The following SGMS1 variants were observed in gnomAD, a reference collection of about 807,000 sequenced individuals.
SGMS1 encodes sphingomyelin synthase 1, also known as phosphatidylcholine:ceramide cholinephosphotransferase 1.
In SGMS1, 13 loss-of-function variants were observed where a neutral mutation model predicts 46.2. The observed-to-expected ratio is 0.28, with a 90% CI of 0.18 to 0.45. SGMS1 has a LOEUF of 0.45. Among genes scored for constraint, SGMS1 ranks in the 20% least tolerant of loss-of-function variants. The pLI, the probability that SGMS1 is intolerant of heterozygous loss-of-function variation, is 1.00. For missense variants in SGMS1, 324 were observed against 519.9 expected (o/e 0.62, Z 3.66); for synonymous variants, 203 against 187.8 (o/e 1.08, Z -0.66).
At chr10:50,413,744 C>T (rs1194302968) in intron 6 of SGMS1, among the ~76,000 whole-genome samples, 2 of 152,292 alleles carry the variant, frequency 1.3e-5, no homozygotes, top group East Asian at 3.9e-4. Flanking sequence ...AAGCTAATCA[C>T]CCAAGATCAT....
intron 6 of SGMS1, among the ~76,000 whole-genome samples, chr10:50,369,223 T>G (rs1452410905): frequency 6.6e-6 from 1 of 152,222 alleles, no homozygotes; most frequent in African/African-American, 2.4e-5. Flanking sequence ...ACAGGTCAGG[T>G]GCAGTGGCTC....
chr10:50,449,178 G>C (rs1311614380), intron 5 of SGMS1, among the ~76,000 whole-genome samples: 1 of 152,170 alleles, frequency 6.6e-6, no homozygotes, highest in Non-Finnish European at 1.5e-5. Context: ...TGGAAAACCA[G>C]GTAATAATTT....
intron 2 of SGMS1, among the ~76,000 whole-genome samples, chr10:50,557,225 T>C (rs551310465): frequency 6.6e-6 from 1 of 152,340 alleles, no homozygotes; most frequent in South Asian, 2.1e-4. Flanking sequence ...GTATCACTTA[T>C]TTATTAAATA....
chr10:50,472,817 C>T (rs906783454), intron 3 of SGMS1: 7 of 152,120 alleles, frequency 4.6e-5, no homozygotes, highest in African/African-American at 1.7e-4. Context: ...TCCCTTTTCT[C>T]CACACTAGTC....
At chr10:50,493,038 C>T (rs1301158032) in intron 3 of SGMS1, among the ~76,000 whole-genome samples, 1 of 152,010 alleles carries the variant, frequency 6.6e-6, no homozygotes, top group Non-Finnish European at 1.5e-5. Context: ...TCGGGTATTA[C>T]CCCAGACAAC....
chr10:50,557,361 T>C (rs145782301), intron 2 of SGMS1, among the ~76,000 whole-genome samples: 2 of 152,316 alleles, frequency 1.3e-5, no homozygotes, highest in Admixed American at 1.3e-4. Context: ...GAAGCATCAT[T>C]ATTAGTCATT....
At chr10:50,422,627 G>C (rs956930706) in intron 6 of SGMS1, among the ~76,000 whole-genome samples, 2 of 152,144 alleles carry the variant, frequency 1.3e-5, no homozygotes, top group African/African-American at 4.8e-5. Flanking sequence ...TGATAATCTT[G>C]CCAAAGTACC....
intron 6 of SGMS1, among the ~76,000 whole-genome samples, chr10:50,347,876 T>C (rs1043976993): frequency 5.9e-5 from 9 of 152,216 alleles, no homozygotes; most frequent in Admixed American, 4.6e-4. Context: ...TTATTTGTTA[T>C]TTTACTTTAA....
At chr10:50,408,376 A>T (rs1849047211) in intron 6 of SGMS1, among the ~76,000 whole-genome samples, 1 of 150,154 alleles carries the variant, frequency 6.7e-6, no homozygotes, top group East Asian at 1.9e-4. Flanking sequence ...GCAAAGGTAG[A>T]AGGAATGATT....
At chr10:50,571,634 G>A (rs1257550957) in intron 2 of SGMS1, among the ~76,000 whole-genome samples, 1 of 151,960 alleles carries the variant, frequency 6.6e-6, no homozygotes, top group Admixed American at 6.6e-5. Flanking sequence ...TATGTGTCAG[G>A]CATGTACTAA....
At chr10:50,400,003 T>C (rs1032954212) in intron 6 of SGMS1, among the ~76,000 whole-genome samples, 2 of 142,078 alleles carry the variant, frequency 1.4e-5, no homozygotes, top group Non-Finnish European at 3.0e-5. Flanking sequence ...CACTCCAGCC[T>C]GGGCGACACA....
At chr10:50,324,292 G>A (rs948224519) in intron 8 of SGMS1, among the ~76,000 whole-genome samples, 1 of 152,142 alleles carries the variant, frequency 6.6e-6, no homozygotes, top group African/African-American at 2.4e-5. Context: ...TAACTTTAGT[G>A]TTCTTTTTAC....
At chr10:50,430,086 G>A (rs962503308) in intron 6 of SGMS1, among the ~76,000 whole-genome samples, 7 of 151,992 alleles carry the variant, frequency 4.6e-5, no homozygotes, top group African/African-American at 1.7e-4. Flanking sequence ...TCTCTGTTCA[G>A]ACTGTTCCTT....
At chr10:50,413,536 C>T (rs1849129304) in intron 6 of SGMS1, among the ~76,000 whole-genome samples, 1 of 152,202 alleles carries the variant, frequency 6.6e-6, no homozygotes. Flanking sequence ...ACACTACTGA[C>T]ATTTTGGACA....
chr10:50,460,602 T>C (rs1837251999), intron 5 of SGMS1, 71 bp downstream of exon 5: 1 of 152,234 alleles, frequency 6.6e-6, no homozygotes, highest in Non-Finnish European at 1.5e-5. Context: ...TCCCAGAGAA[T>C]GACTCCACTT....
chr10:50,524,812 C>T (rs1462170880), intron 2 of SGMS1, among the ~76,000 whole-genome samples: 1 of 152,108 alleles, frequency 6.6e-6, no homozygotes, highest in Non-Finnish European at 1.5e-5. Context: ...TAGGTACTTC[C>T]AGGCAAAAGG....
chr10:50,353,027 C>T (rs1848049961), intron 6 of SGMS1, among the ~76,000 whole-genome samples: 1 of 152,186 alleles, frequency 6.6e-6, no homozygotes, highest in Admixed American at 6.5e-5. Context: ...GAGCTGGTAC[C>T]ATTCCTTCTG....
Position 50,590,928 on chromosome 10 carries a change from T to C in SGMS1, c.-683-681A>G, listed in dbSNP as rs376896856. Among the ~76,000 whole-genome samples, 5 of 152,214 alleles carry C rather than the reference T, an allele frequency of 3.3e-5. No individual in the cohort carries two copies. In the East Asian group the frequency reaches 7.7e-4, roughly 23 times the overall value. ...AAACTGGAGCTTCAATGACTTGAGATTTACTCTGACCTTGGATTTCTGAGA... is the reference window on the plus strand; with the variant it reads ...AAACTGGAGCTTCAATGACTTGAGACTTACTCTGACCTTGGATTTCTGAGA... On this transcript the variant is annotated intron_variant, in intron 1 of 10. Transcript: ENST00000361781.
intron 3 of SGMS1, among the ~76,000 whole-genome samples, chr10:50,516,368 A>G (rs576714288): frequency 3.3e-5 from 5 of 152,326 alleles, no homozygotes; most frequent in Admixed American, 6.5e-5. Context: ...AATTTTCTGC[A>G]TTCCATGTGA....
Sources: gnomAD v4.1 joint callset for allele counts (sites outside exome capture counted in the v4.1 genomes callset) on GRCh38, gnomAD v4.1.1 for gene constraint, MANE v1.5 for transcripts, NCBI Gene and HGNC (gene_info 2026-07-23, HGNC 2026-07-21) for gene names.